The following STAB2 variants were observed in gnomAD, a reference collection of about 807,000 sequenced individuals.
The protein encoded by STAB2 is stabilin 2, also known as stabilin-2.
A neutral mutation model predicts 338.1 loss-of-function variants in STAB2; 288 were observed. That is an observed-to-expected ratio of 0.85 (90% confidence interval 0.77 to 0.94). The LOEUF (loss-of-function observed/expected upper bound fraction) is 0.94, where lower values mean the gene tolerates loss of function less well. Among genes scored for constraint, STAB2 ranks in the 40% least tolerant of loss-of-function variants. The probability of loss-of-function intolerance (pLI) is 0.00; values close to 1 mark genes in which losing one functional copy is unlikely to be tolerated. For synonymous variants in STAB2, 1,202 were observed against 1,193.3 expected, an observed-to-expected ratio of 1.01 and a Z score of -0.15; for missense variants, 3,141 against 3,210.1, an observed-to-expected ratio of 0.98 and a Z score of 0.52.
In STAB2 at chr12:103,677,511, C is replaced by G; in HGVS notation, c.2705C>G (p.Thr902Arg). ...THTCVCQQGW[T>R]GNGRDCSEIN... is the part of the protein sequence containing the mutation. ...ACCTGCGTGTGTCAGCAGGGTTGGA[C>G]AGGGAATGGGAGAGACTGCTCGGAG... Residue 902 changes from threonine to arginine, a missense_variant, in exon 25 of 69, where the codon ACA becomes AGA. Physicochemically the swap from Thr to Arg is moderately conservative, Grantham distance 71 (BLOSUM62 -1). Transcript: ENST00000388887. 6.2e-7 allele frequency: 1 copy of G among 1,614,176 alleles called. No homozygotes were observed. Among genetic ancestry groups the G allele is most frequent in the Non-Finnish European group, 8.5e-7 (1 of 1,180,000 alleles).
At chr12:103,704,865 G>A (rs1232050353) in intron 36 of STAB2, 11 of 353,554 alleles carry the variant, frequency 3.1e-5, no homozygotes, top group Admixed American at 1.4e-4. Context: ...TATGCTCTAC[G>A]TCTTTCATAT....
intron 3 of STAB2, among the ~76,000 whole-genome samples, chr12:103,614,309 T>G (rs963904274): frequency 1.8e-4 from 27 of 152,356 alleles, no homozygotes; most frequent in African/African-American, 6.0e-4. Flanking sequence ...AGTGGAGCTC[T>G]TTGAGAATTT....
At chr12:103,754,967 G>T in intron 61 of STAB2, 1 of 223,600 alleles carries the variant, frequency 4.5e-6, no homozygotes. Context: ...AAAAATTTGA[G>T]TTCTATCATC....
rs1332236069 is a variant in STAB2, at chr12:103,605,777, GA to G, written c.331+11268del. Among the ~76,000 whole-genome samples the G allele has an allele frequency of 5.3e-5, 8 of 152,006 alleles. No homozygotes were observed. In the East Asian group the frequency reaches 1.2e-3, roughly 22 times the overall value. On this transcript the variant is annotated intron_variant, in intron 3 of 68. Coordinates refer to ENST00000388887, the MANE Select transcript of STAB2 (RefSeq NM_017564.10). ...AATCTACTTCATCTAATATTAATAT[GA>G]GCTACTTCAGCTTTCTTTTGACTAA...
intron 51 of STAB2, among the ~76,000 whole-genome samples, chr12:103,734,566 T>C (rs1227041573): frequency 6.6e-6 from 1 of 152,162 alleles, no homozygotes; most frequent in Non-Finnish European, 1.5e-5. Context: ...TATAGGAACA[T>C]GGCAGCCATC....
intron 56 of STAB2, among the ~76,000 whole-genome samples, chr12:103,743,596 C>T (rs540314252): frequency 4.3e-4 from 66 of 152,324 alleles, no homozygotes; most frequent in African/African-American, 1.5e-3. Flanking sequence ...GCGGGAAAGA[C>T]TCCATGACTC....
intron 19 of STAB2, among the ~76,000 whole-genome samples, chr12:103,667,654 C>T (rs117178214): frequency 7.0e-4 from 106 of 152,272 alleles, no homozygotes; most frequent in Non-Finnish European, 1.3e-3. Flanking sequence ...CTGAGATTCC[C>T]AAAAGGACTG....
intron 56 of STAB2, among the ~76,000 whole-genome samples, chr12:103,744,166 C>G (rs1259397684): frequency 6.6e-6 from 1 of 150,740 alleles, no homozygotes; most frequent in Non-Finnish European, 1.5e-5. Context: ...TTTTTTGAGA[C>G]AAAATCTCAC....
At chr12:103,596,226 T>C (rs1428988434) in intron 3 of STAB2, among the ~76,000 whole-genome samples, 1 of 152,210 alleles carries the variant, frequency 6.6e-6, no homozygotes, top group Non-Finnish European at 1.5e-5. Context: ...AGAAAGAACT[T>C]TTAGATTTGC....
At chr12:103,667,310 G>A (rs1875204169) in intron 19 of STAB2, among the ~76,000 whole-genome samples, 1 of 152,232 alleles carries the variant, frequency 6.6e-6, no homozygotes, top group South Asian at 2.1e-4. Flanking sequence ...AGGAAATTGT[G>A]TTGGCTGGTG....
intron 53 of STAB2, among the ~76,000 whole-genome samples, chr12:103,738,827 T>C (rs1329221620): frequency 6.6e-6 from 1 of 152,210 alleles, no homozygotes; most frequent in African/African-American, 2.4e-5. Flanking sequence ...CCACTGCTAA[T>C]AGCATATGCC....
intron 5 of STAB2, among the ~76,000 whole-genome samples, chr12:103,627,567 C>T (rs573298680): frequency 4.1e-3 from 629 of 152,358 alleles, no homozygotes; most frequent in Non-Finnish European, 6.6e-3. Flanking sequence ...CTGCCACTTA[C>T]GTCTCCTTCC....
At chr12:103,642,848 G>A (rs1305538388) in intron 9 of STAB2, among the ~76,000 whole-genome samples, 2 of 152,162 alleles carry the variant, frequency 1.3e-5, no homozygotes, top group South Asian at 2.1e-4. Context: ...CCATTCCCAG[G>A]GTATGGAGGA....
At chr12:103,754,998 G>A in intron 61 of STAB2, 1 of 316,134 alleles carries the variant, frequency 3.2e-6, no homozygotes, top group East Asian at 5.7e-5. Flanking sequence ...CAACCCATTA[G>A]CAGAAAAATT....
chr12:103,587,547 C>A lies in STAB2; in HGVS notation c.71C>A (p.Thr24Asn), dbSNP rs374448294. The change falls in exon 1 of 69, where the codon ACC becomes AAC. Residue 24 changes from threonine (T) to asparagine (N), a missense_variant. By Grantham distance (65) the Thr-to-Asn change is moderately conservative (BLOSUM62 0). Transcript: ENST00000388887. ...VVQNFCSPAE[T>N]TGQARRCDRK... ...CAAAATTTCTGCTCCCCAGCTGAAACCACAGGGCAGGTAAGAGGAGACTTA... is the reference window on the plus strand; with the variant it reads ...CAAAATTTCTGCTCCCCAGCTGAAAACACAGGGCAGGTAAGAGGAGACTTA... The A allele has an allele frequency of 1.9e-6, 3 of 1,613,496 alleles. No homozygotes were observed. Among genetic ancestry groups the A allele is most frequent in the Non-Finnish European group, 2.5e-6 (3 of 1,179,558 alleles).
intron 15 of STAB2, among the ~76,000 whole-genome samples, chr12:103,656,174 A>G (rs1874163701): frequency 6.6e-6 from 1 of 152,246 alleles, no homozygotes; most frequent in African/African-American, 2.4e-5. Flanking sequence ...CAGAAATAAT[A>G]GCCTTAACTT....
At chr12:103,725,142 T>A (rs182568630) in intron 45 of STAB2, 48 bp downstream of exon 45, 137 of 1,588,596 alleles carry the variant, frequency 8.6e-5, no homozygotes, top group Non-Finnish European at 1.1e-4. Context: ...TCCCTAAAAA[T>A]GCCAAGAATC....
In STAB2 at chr12:103,689,916, C is replaced by T; in HGVS notation, c.3116C>T (p.Thr1039Ile). ...LTVLVPSQQA[T>I]EDMDQDEKSF... ...GTCCTCGTGCCTTCCCAACAAGCTA[C>T]TGAGGACATGGACCAGGATGAGAAA... Residue 1039 changes from threonine to isoleucine, a missense_variant, in exon 29 of 69, where the codon ACT (threonine) becomes ATT (isoleucine). Physicochemically the swap from Thr to Ile is moderately conservative, Grantham distance 89. Coordinates refer to ENST00000388887, the MANE Select transcript of STAB2 (RefSeq NM_017564.10). The T allele has an allele frequency of 6.2e-7, 1 of 1,614,204 alleles. No individual in the cohort carries two copies. Among genetic ancestry groups the T allele is most frequent in the Non-Finnish European group, 8.5e-7 (1 of 1,180,018 alleles).
intron 3 of STAB2, among the ~76,000 whole-genome samples, chr12:103,605,662 A>T (rs1957017197): frequency 6.6e-6 from 1 of 151,980 alleles, no homozygotes; most frequent in South Asian, 2.1e-4. Flanking sequence ...AGGTCAATAC[A>T]TATTTATGAT....
Sources: gnomAD v4.1 joint callset for allele counts (sites outside exome capture counted in the v4.1 genomes callset) on GRCh38, gnomAD v4.1.1 for gene constraint, MANE v1.5 for transcripts, NCBI Gene and HGNC (gene_info 2026-07-23, HGNC 2026-07-21) for gene names.